RABL2B: variants seen among roughly 807,000 people sequenced by gnomAD.
RABL2B encodes RAB, member of RAS oncogene family like 2B.
A neutral mutation model predicts 26.7 loss-of-function variants in RABL2B; 17 were observed. The ratio of observed to expected loss-of-function variants is 0.64; its 90% CI spans 0.44 to 0.95. The LOEUF (loss-of-function observed/expected upper bound fraction) is 0.95, where lower values mean the gene tolerates loss of function less well. Ranked by LOEUF, RABL2B falls within the 40% of genes least tolerant of loss-of-function variation. The pLI is 0.00. For synonymous variants in RABL2B, 70 were observed against 103.9 expected (o/e 0.67, Z 1.99); for missense variants, 170 against 277.2 (o/e 0.61, Z 2.75).
rs6010084 is a variant in RABL2B, at chr22:50,775,082, A to G, written c.297+690T>C. ...GCATGAGCCACCGTGCCCAGCCATG[A>G]AAATGTTTTTTAAGTGACCCAAAAG... On this transcript the variant is annotated intron_variant, in intron 5 of 8. Transcript: ENST00000691320. Among the ~76,000 whole-genome samples the G allele has an allele frequency of 9.8e-5, 15 of 152,316 alleles. 1 individual carries two copies. The highest frequency in any genetic ancestry group is 3.6e-4 in the African/African-American group (15 of 41,586).
intron 5 of RABL2B, among the ~76,000 whole-genome samples, chr22:50,773,643 A>C (rs1160238943): frequency 2.0e-5 from 3 of 151,410 alleles, no homozygotes; most frequent in Admixed American, 2.0e-4. Flanking sequence ...GTTTCAAATA[A>C]AGGGGTGTGA....
At position 50,768,220 on chromosome 22, in the gene RABL2B, C is replaced by T. The variant is rs565464382; in HGVS notation, c.*556G>A. 22 of 199,472 alleles carry T rather than the reference C, an allele frequency of 1.1e-4. No homozygotes were observed. The East Asian group carries it at 3.4e-3, about 31-fold the overall frequency. The allele number at this position is 199,472 out of a possible 1,614,324, so 12.4% of individuals were successfully genotyped here. ...GCGCCACTGCACTCCAGCCTGGCGA[C>T]AGAGCGAGACTCCGTCTCAGAACGA... On this transcript the variant is annotated 3_prime_UTR_variant, in exon 9 of 9. Coordinates refer to ENST00000691320, the MANE Select transcript of RABL2B (RefSeq NM_001130919.3).
chr22:50,781,356 A>C (rs1406898475), intron 2 of RABL2B, among the ~76,000 whole-genome samples: 10 of 151,478 alleles, frequency 6.6e-5, no homozygotes, highest in South Asian at 2.1e-4. Flanking sequence ...AAAAAAAAAA[A>C]AAAAAACTAA....
chr22:50,778,212 G>GCT (rs1486041546), intron 2 of RABL2B, among the ~76,000 whole-genome samples: 2 of 150,828 alleles, frequency 1.3e-5, no homozygotes, highest in Non-Finnish European at 2.9e-5. Flanking sequence ...CCCACGTGAA[G>GCT]CTCTCAAATC....
intron 5 of RABL2B, among the ~76,000 whole-genome samples, chr22:50,775,037 C>G (rs2084766786): frequency 6.6e-6 from 1 of 152,188 alleles, no homozygotes; most frequent in South Asian, 2.1e-4. Context: ...TCTTGGCCTC[C>G]CAAAGTGCTG....
At position 50,782,335 on chromosome 22, in the gene RABL2B, G is replaced by A. The variant is rs1202073556; in HGVS notation, c.-41C>T. On this transcript the variant is annotated 5_prime_UTR_variant, in exon 2 of 9. Coordinates refer to ENST00000691320, the MANE Select transcript of RABL2B (RefSeq NM_001130919.3). ...GAGAGGGGTCCAGCCCAAGGGAGGG[G>A]AGGGTATTGTCACTGTCTGGGAAGA... is the stretch of plus-strand genomic sequence containing the variant. 3 of 1,198,128 alleles carry A rather than the reference G, an allele frequency of 2.5e-6. No homozygotes were observed. Among genetic ancestry groups the A allele is most frequent in the Admixed American group, 5.7e-5 (2 of 35,262 alleles). The allele number at this position is 1,198,128 out of a possible 1,614,324, so 74.2% of individuals were successfully genotyped here.
At chr22:50,778,184 T>C (rs1447997940) in intron 2 of RABL2B, among the ~76,000 whole-genome samples, 1 of 151,490 alleles carries the variant, frequency 6.6e-6, no homozygotes, top group Non-Finnish European at 1.5e-5. Flanking sequence ...CTCATGTCAC[T>C]ATGAGTACAC....
Position 50,769,475 on chromosome 22 carries a change from C to G in RABL2B, c.487G>C (p.Asp163His). ...CACACCTTCACAACATTGGTACCATCAGCAGCCGAGACGAAATACAGGGGC... is the reference window on the plus strand; with the variant it reads ...CACACCTTCACAACATTGGTACCATGAGCAGCCGAGACGAAATACAGGGGC... The part of the protein sequence containing the change: ...SLPLYFVSAA[D>H]GTNVVKLFND... The change falls in exon 7 of 9, where the codon GAT (aspartate) becomes CAT (histidine). Residue 163 changes from aspartate (D) to histidine (H), a missense_variant. Transcript: ENST00000691320. 1.2e-6 allele frequency: 2 copies of G among 1,612,218 alleles called. No individual in the cohort carries two copies. The highest frequency in any genetic ancestry group is 1.7e-6 in the Non-Finnish European group (2 of 1,179,270).
chr22:50,774,075 T>G (rs1478430197), intron 5 of RABL2B, among the ~76,000 whole-genome samples: 1 of 152,152 alleles, frequency 6.6e-6, no homozygotes, highest in Non-Finnish European at 1.5e-5. Context: ...TTTTGTATTT[T>G]TAGTAGAGAC....
intron 5 of RABL2B, chr22:50,773,256 G>C: frequency 7.8e-7 from 1 of 1,280,580 alleles, no homozygotes; most frequent in Non-Finnish European, 1.0e-6. Context: ...TCATCCTCTT[G>C]TTTAGTGCCT....
chr22:50,775,743 C>G, intron 5 of RABL2B, 29 bp downstream of exon 5: 1 of 1,613,860 alleles, frequency 6.2e-7, no homozygotes, highest in Non-Finnish European at 8.5e-7. Flanking sequence ...TTGCCCAGTG[C>G]CTTTGTCCAC....
rs782803295 is a variant in RABL2B at position 50,775,822 on chromosome 22, A to G, written c.247T>C (p.Phe83Leu). Reference sequence around the variant, plus strand: ...TAGTAGGAGGCATGCATGCTCTGGAACCGCTCCTGGCCTGCCGTGTCCCAA... The same window carrying G: ...TAGTAGGAGGCATGCATGCTCTGGAGCCGCTCCTGGCCTGCCGTGTCCCAA... ...DFWDTAGQER[F>L]QSMHASYYHK... The change falls in exon 5 of 9, where the codon TTC becomes CTC. Residue 83 changes from phenylalanine to leucine, a missense_variant. Around this residue, in one of 2 missense-constraint regions of RABL2B, gnomAD observed 165 missense variants for 232.0 expected, o/e 0.71. Coordinates refer to ENST00000691320, the MANE Select transcript of RABL2B (RefSeq NM_001130919.3). 2 of 1,614,138 alleles carry G rather than the reference A, an allele frequency of 1.2e-6. No homozygotes were observed. Among genetic ancestry groups the G allele is most frequent in the East Asian group, 4.5e-5 (2 of 44,886 alleles).
chr22:50,773,182 C>G (rs1368091372), intron 5 of RABL2B: 1 of 1,247,480 alleles, frequency 8.0e-7, no homozygotes, highest in Non-Finnish European at 1.0e-6. Context: ...CTGGCTAGGA[C>G]CAAGCTCCTC....
At chr22:50,776,559 G>A in intron 4 of RABL2B, 111 bp downstream of exon 4, 1 of 1,436,260 alleles carries the variant, frequency 7.0e-7, no homozygotes, top group South Asian at 1.3e-5. Flanking sequence ...CCCTGCCTGG[G>A]GTCTCATTTT....
Position 50,777,970 on chromosome 22 carries a change from C to G in RABL2B, c.119G>C (p.Arg40Thr). 1.2e-6 allele frequency: 2 copies of G among 1,614,160 alleles called. No homozygotes were observed. Among genetic ancestry groups the G allele is most frequent in the East Asian group, 4.5e-5 (2 of 44,882 alleles). Residue 40 changes from arginine to threonine, a missense_variant, in exon 3 of 9, where the codon AGA becomes ACA. This residue lies in a region of RABL2B where 165 missense variants were observed against 232.0 expected (regional missense o/e 0.71). Transcript: ENST00000691320. The part of the protein sequence containing the change: ...SAVGKSKLME[R>T]FLMDGFQPQQ... Reference sequence around the variant, plus strand: ...AGGATACAAGCCATCCATGAGAAATCTCTCCATGAGTCTGTAAGCAGAACA... The same window carrying G: ...AGGATACAAGCCATCCATGAGAAATGTCTCCATGAGTCTGTAAGCAGAACA...
At chr22:50,772,854 G>C in intron 5 of RABL2B, 19 of 1,184,386 alleles carry the variant, frequency 1.6e-5, no homozygotes, top group Non-Finnish European at 2.0e-5. Flanking sequence ...GAGCTGAGGA[G>C]GAGCTGGCTA....
intron 2 of RABL2B, among the ~76,000 whole-genome samples, chr22:50,781,457 A>G (rs2085871461): frequency 6.6e-6 from 1 of 151,106 alleles, no homozygotes; most frequent in Non-Finnish European, 1.5e-5. Flanking sequence ...TGGCCTAAAA[A>G]CCAGCAAAGC....
At chr22:50,777,756 C>T in intron 3 of RABL2B, 196 bp downstream of exon 3, 1 of 742,290 alleles carries the variant, frequency 1.3e-6, no homozygotes, top group Non-Finnish European at 2.4e-6. Flanking sequence ...TGAGTAAGGT[C>T]CAAAATATAC....
chr22:50,772,945 T>C (rs1297852111), intron 5 of RABL2B: 17 of 1,244,848 alleles, frequency 1.4e-5, no homozygotes, highest in Non-Finnish European at 1.7e-5. Context: ...GCTCCCCGTG[T>C]GGTCAGAAGG....
Sources: gnomAD v4.1 joint callset for allele counts (sites outside exome capture counted in the v4.1 genomes callset) on GRCh38, gnomAD v4.1.1 for gene constraint, gnomAD v4.1.1 regional missense constraint, MANE v1.5 for transcripts, NCBI Gene and HGNC (gene_info 2026-07-23, HGNC 2026-07-21) for gene names.